ALK: variants seen among roughly 807,000 people sequenced by gnomAD.
ALK encodes the protein ALK tyrosine kinase receptor.
In ALK, 74 loss-of-function variants were observed where a neutral mutation model predicts 163.1. The ratio of observed to expected loss-of-function variants is 0.45; its 90% CI spans 0.38 to 0.55. The LOEUF (loss-of-function observed/expected upper bound fraction) is 0.55, where lower values mean the gene tolerates loss of function less well. Among genes scored for constraint, ALK ranks in the 20% least tolerant of loss-of-function variants. The probability of loss-of-function intolerance (pLI) is 0.00; values close to 1 mark genes in which losing one functional copy is unlikely to be tolerated. For synonymous variants in ALK, 960 were observed against 843.2 expected, an observed-to-expected ratio of 1.14 and a Z score of -2.40; for missense variants, 2,063 against 2,105.3, an observed-to-expected ratio of 0.98 and a Z score of 0.39.
intron 4 of ALK, among the ~76,000 whole-genome samples, chr2:29,507,820 C>T (rs1178492237): frequency 1.3e-5 from 2 of 152,098 alleles, no homozygotes; most frequent in Non-Finnish European, 2.9e-5. Context: ...AGAGAGGGGC[C>T]ATGATGTCAA....
At chr2:29,821,456 T>C (rs1398847732) in intron 1 of ALK, among the ~76,000 whole-genome samples, 5 of 152,112 alleles carry the variant, frequency 3.3e-5, no homozygotes, top group Non-Finnish European at 4.4e-5. Flanking sequence ...CAGATCGAAG[T>C]GAAGAGCACC....
intron 1 of ALK, among the ~76,000 whole-genome samples, chr2:29,839,582 G>A (rs1475473362): frequency 1.3e-5 from 2 of 152,144 alleles, no homozygotes; most frequent in Non-Finnish European, 2.9e-5. Context: ...CAAGCTTTTT[G>A]TTCATGACAA....
intron 3 of ALK, among the ~76,000 whole-genome samples, chr2:29,593,125 C>T (rs1285365415): frequency 1.3e-5 from 2 of 152,190 alleles, no homozygotes; most frequent in Non-Finnish European, 2.9e-5. Context: ...CGAGTTCAGA[C>T]AAATGAGTCC....
intron 12 of ALK, among the ~76,000 whole-genome samples, chr2:29,240,990 G>A (rs1298546564): frequency 6.6e-6 from 1 of 152,186 alleles, no homozygotes; most frequent in Non-Finnish European, 1.5e-5. Context: ...GGGCCTCCCG[G>A]AGCTCTCACA....
chr2:29,484,700 T>C (rs557682439), intron 4 of ALK, among the ~76,000 whole-genome samples: 1 of 152,308 alleles, frequency 6.6e-6, no homozygotes, highest in East Asian at 1.9e-4. Flanking sequence ...AAATACATCC[T>C]TCAATAGTCT....
chr2:29,242,308 C>T (rs894815221), intron 12 of ALK, among the ~76,000 whole-genome samples: 3 of 152,334 alleles, frequency 2.0e-5, no homozygotes, highest in Middle Eastern at 3.4e-3. Flanking sequence ...GGACAAAGTC[C>T]TCATCCTACC....
intron 24 of ALK, among the ~76,000 whole-genome samples, chr2:29,210,419 T>G (rs1669432252): frequency 6.6e-6 from 1 of 152,180 alleles, no homozygotes; most frequent in Admixed American, 6.5e-5. Flanking sequence ...ATTAAGATAT[T>G]CACAAATATT....
In ALK at chr2:29,223,370, C is replaced by A. The variant is rs752052590; in HGVS notation, c.3331G>T (p.Val1111Leu). The A allele has an allele frequency of 6.8e-6, 11 of 1,614,204 alleles. No homozygotes were observed. The Admixed American group carries it at 1.8e-4, about 27-fold the overall frequency. ...KTSSISDLKE[V>L]PRKNITLIRG... Reference sequence around the variant, plus strand: ...ATGAGGGTGATGTTTTTCCGCGGCACCTCCTTCAGGTCACTGATGGAGGAG... The same window carrying A: ...ATGAGGGTGATGTTTTTCCGCGGCAACTCCTTCAGGTCACTGATGGAGGAG... Residue 1111 changes from valine to leucine, a missense_variant, in exon 20 of 29, where the codon GTG becomes TTG. Val to Leu is a conservative substitution (Grantham distance 32). This residue lies in a region of ALK where 575 missense variants were observed against 626.6 expected (regional missense o/e 0.92). Coordinates refer to ENST00000389048, the MANE Select transcript of ALK (RefSeq NM_004304.5).
chr2:29,831,458 A>G (rs1205728825), intron 1 of ALK, among the ~76,000 whole-genome samples: 1 of 151,942 alleles, frequency 6.6e-6, no homozygotes, highest in Non-Finnish European at 1.5e-5. Context: ...CTGAGGCACA[A>G]TGACTCCTCT....
At chr2:29,775,570 C>T (rs1210929800) in intron 1 of ALK, among the ~76,000 whole-genome samples, 1 of 151,504 alleles carries the variant, frequency 6.6e-6, no homozygotes, top group East Asian at 1.9e-4. Flanking sequence ...AAGCAGAAAT[C>T]AAAAGAGAGA....
chr2:29,357,236 A>G (rs1287497209), intron 5 of ALK, among the ~76,000 whole-genome samples: 1 of 152,244 alleles, frequency 6.6e-6, no homozygotes, highest in Non-Finnish European at 1.5e-5. Flanking sequence ...ACTAAATATG[A>G]GTCAGCAATG....
intron 4 of ALK, among the ~76,000 whole-genome samples, chr2:29,462,717 T>C (rs1410879749): frequency 6.6e-6 from 1 of 152,178 alleles, no homozygotes; most frequent in Non-Finnish European, 1.5e-5. Flanking sequence ...TAATGAGGTA[T>C]GCCTGTACCA....
At position 29,209,542 on chromosome 2, in the gene ALK, C is replaced by CA. The variant is rs76343130; in HGVS notation, c.3836+243dup. Among the ~76,000 whole-genome samples the CA allele has an allele frequency of 0.018, 1,426 of 79,438 alleles. 16 individuals are homozygous for CA. The highest frequency in any genetic ancestry group is 0.034 in the Middle Eastern group (4 of 116). 52.1% of individuals were successfully genotyped at this position (79,438 alleles called of 152,430 possible). Reference sequence around the variant, plus strand: ...GGGCAACAAGAGCGAAACTCCGTCTCAAAAAAAAAAAAAAAAAAAAAGCTT... The same window carrying CA: ...GGGCAACAAGAGCGAAACTCCGTCTCAAAAAAAAAAAAAAAAAAAAAAGCTT... On this transcript the variant is annotated intron_variant, in intron 25 of 28. Transcript: ENST00000389048.
chr2:29,856,928 G>GT (rs1391171593), intron 1 of ALK, among the ~76,000 whole-genome samples: 1 of 152,170 alleles, frequency 6.6e-6, no homozygotes, highest in African/African-American at 2.4e-5. Context: ...AATAGGCACC[G>GT]TTCTCAGTTG....
intron 3 of ALK, among the ~76,000 whole-genome samples, chr2:29,645,505 T>C (rs1227171970): frequency 6.6e-6 from 1 of 152,150 alleles, no homozygotes; most frequent in Non-Finnish European, 1.5e-5. Context: ...CGTACTCCAT[T>C]AGAATCATCA....
At chr2:29,382,348 T>C (rs1313440847) in intron 5 of ALK, among the ~76,000 whole-genome samples, 1 of 152,206 alleles carries the variant, frequency 6.6e-6, no homozygotes, top group African/African-American at 2.4e-5. Context: ...CTATGGGGGA[T>C]GAATGTTTTT....
intron 1 of ALK, among the ~76,000 whole-genome samples, chr2:29,837,530 C>T (rs188497933): frequency 6.6e-6 from 1 of 152,196 alleles, no homozygotes; most frequent in East Asian, 1.9e-4. Context: ...GATACTGTAC[C>T]CCAATCTACT....
At chr2:29,231,181 T>C (rs551369338) in intron 15 of ALK, among the ~76,000 whole-genome samples, 2 of 151,608 alleles carry the variant, frequency 1.3e-5, no homozygotes, top group Admixed American at 6.6e-5. Flanking sequence ...CTACTAAAAA[T>C]ACAAAAATTA....
chr2:29,334,250 A>T (rs190865370), intron 5 of ALK, among the ~76,000 whole-genome samples: 1 of 152,234 alleles, frequency 6.6e-6, no homozygotes. Context: ...TTCCTCATCC[A>T]GCTGCAAGTG....
Sources: allele counts gnomAD v4.1 joint callset (sites outside exome capture counted in the v4.1 genomes callset), GRCh38; gene constraint gnomAD v4.1.1; regional missense constraint gnomAD v4.1.1; transcripts MANE v1.5; gene names NCBI Gene and HGNC (gene_info 2026-07-23, HGNC 2026-07-21).